Variants in ZNF442 observed in about 807,000 individuals in gnomAD.
The protein encoded by ZNF442 is zinc finger protein 442.
Under a neutral mutation model 57.0 loss-of-function variants are expected in ZNF442, and 45 were observed. The observed-to-expected ratio is 0.79, with a 90% confidence interval of 0.62 to 1.01. The LOEUF (loss-of-function observed/expected upper bound fraction) is 1.01, where lower values mean the gene tolerates loss of function less well. Ranked by LOEUF, ZNF442 falls within the 50% of genes least tolerant of loss-of-function variation. ZNF442 has a pLI of 0.00. For missense variants in ZNF442, 690 were observed against 756.5 expected (o/e 0.91, Z 1.03); for synonymous variants, 213 against 241.8 (o/e 0.88, Z 1.10).
chr19:12,367,617 A>G (rs1969548833), upstream of ZNF442, among the ~76,000 whole-genome samples: 3 of 152,138 alleles, frequency 2.0e-5, no homozygotes, highest in South Asian at 6.2e-4. Context: ...GCAGCCATCT[A>G]TAGACCTACC....
intron 3 of ZNF442, among the ~76,000 whole-genome samples, chr19:12,354,334 C>G (rs1448826302): frequency 6.6e-6 from 1 of 152,110 alleles, no homozygotes. Context: ...GAATTTTAAA[C>G]TTTTTATTAG....
intron 3 of ZNF442, among the ~76,000 whole-genome samples, chr19:12,358,253 G>A (rs141539431): frequency 8.6e-4 from 131 of 152,220 alleles, no homozygotes; most frequent in Non-Finnish European, 1.5e-3. Flanking sequence ...GTGAGCCACC[G>A]TGCCTAGCCT....
rs149695301 is a variant in ZNF442, at chr19:12,346,603, A to T, written c.*3098T>A. ...CACTCCTAGGGATACATATATCCAA[A>T]AGAATTGAAAGCAGGGACTCACACA... On this transcript the variant is annotated 3_prime_UTR_variant, in exon 6 of 6. Coordinates refer to ENST00000242804, the MANE Select transcript of ZNF442 (RefSeq NM_030824.3). The T allele has an allele frequency of 1.3e-5, 2 of 152,362 alleles. No individual in the cohort carries two copies. The highest frequency in any genetic ancestry group is 2.9e-5 in the Non-Finnish European group (2 of 68,036). The allele number at this position is 152,362 out of a possible 1,614,324, so 9.4% of individuals were successfully genotyped here.
chr19:12,367,652 G>A (rs529539549), upstream of ZNF442, among the ~76,000 whole-genome samples: 17 of 151,668 alleles, frequency 1.1e-4, 2 homozygotes, highest in African/African-American at 4.1e-4. Flanking sequence ...CCTTCCCCAG[G>A]GTCTCAATTA....
At chr19:12,364,594 T>C (rs1273413969) in intron 2 of ZNF442, among the ~76,000 whole-genome samples, 2 of 151,872 alleles carry the variant, frequency 1.3e-5, no homozygotes, top group Non-Finnish European at 2.9e-5. Context: ...CCAAGGGAGT[T>C]ACTACCACCC....
rs1969181381 is a variant in ZNF442 at position 12,349,691 on chromosome 19, T to C, written c.*10A>G. 1 of 1,571,460 alleles carries C rather than the reference T, an allele frequency of 6.4e-7. No individual in the cohort carries two copies. The highest frequency in any genetic ancestry group is 2.0e-5 in the Admixed American group (1 of 50,474). On this transcript the variant is annotated 3_prime_UTR_variant, in exon 6 of 6. Transcript: ENST00000242804. ...GAAATGAAATAAAATTAATGAATGC[T>C]TTTCCACATTTATAGAGTATCTCTC... is the stretch of plus-strand genomic sequence containing the variant.
chr19:12,362,899 A>T (rs1285846232), intron 3 of ZNF442, among the ~76,000 whole-genome samples: 1 of 151,464 alleles, frequency 6.6e-6, no homozygotes, highest in East Asian at 1.9e-4. Context: ...AAAAAAAAAA[A>T]TTGGAGGCTG....
chr19:12,363,430 T>A (rs1811855724), intron 3 of ZNF442, 124 bp downstream of exon 3: 7 of 847,328 alleles, frequency 8.3e-6, no homozygotes, highest in Non-Finnish European at 1.4e-5. Context: ...CTCAGTAAAG[T>A]GCTCAGTGAC....
In ZNF442 at chr19:12,352,059, C is replaced by T. The variant is rs73507958; in HGVS notation, c.217G>A (p.Glu73Lys). Residue 73 changes from glutamate (E) to lysine (K), a missense_variant, in exon 5 of 6, where the codon GAA becomes AAA. Physicochemically the swap from Glu to Lys is moderately conservative, Grantham distance 56 (BLOSUM62 1). Coordinates refer to ENST00000242804, the MANE Select transcript of ZNF442 (RefSeq NM_030824.3). ...RNLDCIGMKW[E>K]DTNIEDQHRN... ...TGCTGATCTTCAATGTTTGTGTCTT[C>T]CCATTTCATTCCTAAAAGGTGGACA... 8 of 1,613,406 alleles carry T rather than the reference C, an allele frequency of 5.0e-6. No homozygotes were observed. The highest frequency in any genetic ancestry group is 5.9e-6 in the Non-Finnish European group (7 of 1,179,778).
In ZNF442 at chr19:12,365,650, A is replaced by G; in HGVS notation, c.-600T>C. 4.3e-6 allele frequency: 1 copy of G among 232,148 alleles called. No homozygotes were observed. 14.4% of individuals were successfully genotyped at this position (232,148 alleles called of 1,614,324 possible). A position where few individuals can be genotyped will look rare whatever the true frequency, so the allele number is the denominator to read the frequency against. On this transcript the variant is annotated 5_prime_UTR_variant, in exon 1 of 6. Transcript: ENST00000242804. ...CAGGGCTTCTCTCAGCTACAGAGCC[A>G]GGAGCGGGAGCTCAGAGGGGTGTAG...
At position 12,350,054 on chromosome 19, in the gene ZNF442, T is replaced by C. The variant is rs1969192793; in HGVS notation, c.1531A>G (p.Met511Val). 1.9e-6 allele frequency: 3 copies of C among 1,613,912 alleles called. No individual in the cohort carries two copies. Among genetic ancestry groups the C allele is most frequent in the South Asian group, 1.1e-5 (1 of 91,058 alleles). ...TYLSQHRRTH[M>V]AEKPYECKTC... ...TTACATTCATAAGGTTTTTCAGCCA[T>C]GTGAGTCCTTCTATGTTGAGAAAGG... is the stretch of plus-strand genomic sequence containing the variant. The change falls in exon 6 of 6, where the codon ATG becomes GTG. Residue 511 changes from methionine (M) to valine (V), a missense_variant. Met to Val is a conservative substitution (Grantham distance 21). Coordinates refer to ENST00000242804, the MANE Select transcript of ZNF442 (RefSeq NM_030824.3).
At position 12,350,151 on chromosome 19, in the gene ZNF442, A is replaced by G. The variant is rs1249967257; in HGVS notation, c.1434T>C (p.His478=). ...GCTTCTCTCCAGTGTGAGTTGTTTC[A>G]TGATTTTGAAAGGAATAGAAATCAA... is the stretch of plus-strand genomic sequence containing the variant. ...AFIDFYSFQN[H]ETTHTGEKPY... Residue 478 remains histidine (H), a synonymous_variant, in exon 6 of 6, where the codon CAT becomes CAC. Transcript: ENST00000242804. 3 of 1,614,020 alleles carry G rather than the reference A, an allele frequency of 1.9e-6. No individual in the cohort carries two copies. The highest frequency in any genetic ancestry group is 1.3e-5 in the African/African-American group (1 of 75,012).
At chr19:12,360,550 CATTT>C (rs1236289990) in intron 3 of ZNF442, among the ~76,000 whole-genome samples, 1 of 152,124 alleles carries the variant, frequency 6.6e-6, no homozygotes, top group Non-Finnish European at 1.5e-5. Context: ...GTTTAGTTAG[CATTT>C]ATTTATTTAT....
At chr19:12,372,460 C>CA in the ZNF442 span, among the ~76,000 whole-genome samples, 1,651 of 133,494 alleles carry the variant, frequency 0.012, 29 homozygotes, top group African/African-American at 0.04. Flanking sequence ...ACTCCATCTC[C>CA]AAAAAAAAAA....
intron 3 of ZNF442, among the ~76,000 whole-genome samples, chr19:12,361,048 G>A (rs774233706): frequency 6.4e-4 from 98 of 151,996 alleles, no homozygotes; most frequent in African/African-American, 2.1e-3. Context: ...AAAATTAGCC[G>A]GGCATGGTGG....
intron 5 of ZNF442, 158 bp downstream of exon 5, chr19:12,351,852 G>T (rs1256494239): frequency 3.2e-6 from 2 of 618,756 alleles, no homozygotes; most frequent in Non-Finnish European, 5.4e-6. Context: ...ACACTGAATA[G>T]TTATATCACA....
At chr19:12,370,418 G>T (rs1392150110), upstream of ZNF442, among the ~76,000 whole-genome samples, 1 of 151,926 alleles carries the variant, frequency 6.6e-6, no homozygotes, top group African/African-American at 2.4e-5. Context: ...TTGCTTACTC[G>T]CCCGCTGCTC....
upstream of ZNF442, among the ~76,000 whole-genome samples, chr19:12,366,237 A>G (rs1367595519): frequency 6.6e-6 from 1 of 152,262 alleles, no homozygotes; most frequent in East Asian, 1.9e-4. Flanking sequence ...GAAAATCTGG[A>G]ATTATATGGC....
chr19:12,365,641 T>G lies in ZNF442; in HGVS notation c.-591A>C, dbSNP rs564696408. 7.5e-5 allele frequency: 18 copies of G among 240,668 alleles called. No individual in the cohort carries two copies. The South Asian group carries it at 1.2e-3, about 17-fold the overall frequency. 14.9% of individuals were successfully genotyped at this position (240,668 alleles called of 1,614,324 possible). On this transcript the variant is annotated 5_prime_UTR_variant, in exon 1 of 6. Transcript: ENST00000242804. ...CTGACCTGCCAGGGCTTCTCTCAGC[T>G]ACAGAGCCAGGAGCGGGAGCTCAGA... is the stretch of plus-strand genomic sequence containing the variant.
Sources: gnomAD v4.1 joint callset for allele counts (sites outside exome capture counted in the v4.1 genomes callset) on GRCh38, gnomAD v4.1.1 for gene constraint, MANE v1.5 for transcripts, NCBI Gene and HGNC (gene_info 2026-07-23, HGNC 2026-07-21) for gene names.